The following ITGAX variants were observed in gnomAD, a reference collection of about 807,000 sequenced individuals.
The protein encoded by ITGAX is integrin alpha-X.
In ITGAX, 99 loss-of-function variants were observed where a neutral mutation model predicts 140.2. The ratio of observed to expected loss-of-function variants is 0.71; its 90% confidence interval spans 0.60 to 0.83. The LOEUF (loss-of-function observed/expected upper bound fraction) is 0.83. Ranked by LOEUF, ITGAX falls within the 40% of genes least tolerant of loss-of-function variation. The probability of loss-of-function intolerance (pLI) is 0.00; values close to 1 mark genes in which losing one functional copy is unlikely to be tolerated. For synonymous variants in ITGAX, 631 were observed against 600.4 expected, an observed-to-expected ratio of 1.05 and a Z score of -0.75; for missense variants, 1,444 against 1,482.0, an observed-to-expected ratio of 0.97 and a Z score of 0.42.
rs146647978 is a variant in ITGAX, at chr16:31,371,678, G to T, written c.2054G>T (p.Arg685Leu). Residue 685 changes from arginine (R) to leucine (L), a missense_variant, in exon 17 of 30, where the codon CGC becomes CTC. Physicochemically the swap from Arg to Leu is moderately radical, Grantham distance 102. Coordinates refer to ENST00000268296, the MANE Select transcript of ITGAX (RefSeq NM_000887.5). ...VTLDLALDPG[R>L]LSPRATFQET... Reference sequence around the variant, plus strand: ...TTGGACCTGGCCCTCGACCCTGGCCGCCTGAGTCCCCGTGCCACCTTCCAG... The same window carrying T: ...TTGGACCTGGCCCTCGACCCTGGCCTCCTGAGTCCCCGTGCCACCTTCCAG... 392 of 1,614,114 alleles carry T rather than the reference G, an allele frequency of 2.4e-4. 1 individual carries two copies. The highest frequency in any genetic ancestry group is 3.2e-4 in the Non-Finnish European group (381 of 1,180,032).
intron 14 of ITGAX, among the ~76,000 whole-genome samples, chr16:31,368,314 G>A (rs1239442774): frequency 6.6e-6 from 1 of 151,456 alleles, no homozygotes; most frequent in Non-Finnish European, 1.5e-5. Context: ...GCCTACATAG[G>A]GAAACCTCTC....
Position 31,361,187 on chromosome 16 carries a change from T to G in ITGAX, c.986T>G (p.Leu329Arg), listed in dbSNP as rs767778307. The G allele has an allele frequency of 1.9e-6, 3 of 1,613,074 alleles. No homozygotes were observed. Among genetic ancestry groups the G allele is most frequent in the Non-Finnish European group, 2.5e-6 (3 of 1,179,456 alleles). Residue 329 changes from leucine to arginine, a missense_variant, in exon 9 of 30, where the codon CTG becomes CGG. Physicochemically the swap from Leu to Arg is moderately radical, Grantham distance 102 (BLOSUM62 -2). Transcript: ENST00000268296. ...GCTCTGAAAGATATTCAAAACCAAC[T>G]GAAGGAGAAGATCTTTGCCATTGAG... ...FDALKDIQNQ[L>R]KEKIFAIEGT...
At chr16:31,368,602 TA>T (rs1195910660) in intron 14 of ITGAX, among the ~76,000 whole-genome samples, 2 of 151,628 alleles carry the variant, frequency 1.3e-5, no homozygotes, top group African/African-American at 2.4e-5. Context: ...ATTTTTTATT[TA>T]TTTTTTTATT....
chr16:31,366,068 A>G (rs1403914912), intron 14 of ITGAX, among the ~76,000 whole-genome samples: 3 of 152,232 alleles, frequency 2.0e-5, no homozygotes, highest in African/African-American at 4.8e-5. Flanking sequence ...AACCCATCAC[A>G]TGCAGGCATA....
rs780530339 is a variant in ITGAX at position 31,360,274 on chromosome 16, G to A, written c.708-36G>A. The A allele has an allele frequency of 1.9e-6, 3 of 1,576,436 alleles. No homozygotes were observed. In the Admixed American group the frequency reaches 5.6e-5, roughly 29 times the overall value. On this transcript the variant is annotated intron_variant, in intron 7 of 29. Coordinates refer to ENST00000268296, the MANE Select transcript of ITGAX (RefSeq NM_000887.5). ...GGGCACCAGGGGCTAGTGTGGTTTGGTTCACAGGCCTCTAAGACCTCTCCT... is the reference window on the plus strand; with the variant it reads ...GGGCACCAGGGGCTAGTGTGGTTTGATTCACAGGCCTCTAAGACCTCTCCT...
At chr16:31,377,318 A>AC in intron 23 of ITGAX, 53 bp downstream of exon 23, 80 of 1,320,962 alleles carry the variant, frequency 6.1e-5, no homozygotes, top group Non-Finnish European at 5.8e-5. Flanking sequence ...GACCTCAAAA[A>AC]GAAAAAAAAA....
At chr16:31,369,309 C>T (rs2080930564) in intron 14 of ITGAX, among the ~76,000 whole-genome samples, 1 of 147,356 alleles carries the variant, frequency 6.8e-6, no homozygotes, top group South Asian at 2.2e-4. Flanking sequence ...CCACCTCCCT[C>T]CCGGACGGGG....
At chr16:31,362,893 T>G in intron 12 of ITGAX, 42 bp from the exon 13 acceptor site, 1 of 1,609,330 alleles carries the variant, frequency 6.2e-7, no homozygotes, top group South Asian at 1.1e-5. Context: ...CAGGGCTGCC[T>G]CTGGCAGGGA....
chr16:31,382,477 ACCCTCAGGACAATGT>A lies in ITGAX; in HGVS notation c.*572_*586del, dbSNP rs1674770048. The A allele has an allele frequency of 6.6e-7, 1 of 1,523,050 alleles. No homozygotes were observed. The allele number at this position is 1,523,050 out of a possible 1,614,324, so 94.3% of individuals were successfully genotyped here. A position where few individuals can be genotyped will look rare whatever the true frequency, so the allele number is the denominator to read the frequency against. ...CACCTGTCTTCAACAGCTCCCCATT[ACCCTCAGGACAATGT>A]CTGAACTCTCCAGCTTCGCGTGAGA... On this transcript the variant is annotated 3_prime_UTR_variant, in exon 30 of 30. Coordinates refer to ENST00000268296, the MANE Select transcript of ITGAX (RefSeq NM_000887.5).
Position 31,380,055 on chromosome 16 carries a change from ATCCCGTGCTGG to A in ITGAX, c.3052_3060+2del, listed in dbSNP as rs768987085. On this transcript the variant is annotated splice_donor_variant and coding_sequence_variant, in exon 26 of 30. Transcript: ENST00000268296. LOFTEE classifies it high-confidence loss of function. ...GACTTCCTGGCGCACATTCAGAAGA[ATCCCGTGCTGG>A]TGAGGAGGGCTCTGGGCTGGCCCTC... 6.2e-7 allele frequency: 1 copy of A among 1,613,968 alleles called. No homozygotes were observed. Among genetic ancestry groups the A allele is most frequent in the Non-Finnish European group, 8.5e-7 (1 of 1,179,940 alleles).
In ITGAX at chr16:31,376,463, T is replaced by A. The variant is rs139313917; in HGVS notation, c.2509-336T>A. ...TAGCGAGGTCCCATTTATAAAAAAA[T>A]TTTTTTAAAATTAGCCAGGCATGGT... is the stretch of plus-strand genomic sequence containing the variant. On this transcript the variant is annotated intron_variant, in intron 20 of 29. Coordinates refer to ENST00000268296, the MANE Select transcript of ITGAX (RefSeq NM_000887.5). 5.5e-3 allele frequency among the ~76,000 whole-genome samples: 839 copies of A among 152,088 alleles called. 1 individual carries two copies. Among genetic ancestry groups the A allele is most frequent in the Non-Finnish European group, 9.4e-3 (640 of 67,998 alleles).
In ITGAX at chr16:31,362,136, C is replaced by T. The variant is rs138501712; in HGVS notation, c.1148C>T (p.Pro383Leu). 3,579 of 1,614,080 alleles carry T rather than the reference C, an allele frequency of 2.2e-3. 6 individuals carry two copies. The highest frequency in any genetic ancestry group is 2.6e-3 in the Non-Finnish European group (3,064 of 1,180,006). Residue 383 changes from proline to leucine, a missense_variant, in exon 11 of 30, where the codon CCC becomes CTC. Physicochemically the swap from Pro to Leu is moderately conservative, Grantham distance 98. Transcript: ENST00000268296. ...TGGTCTGGAGGTGCCTTCCTGTACCCCCCAAATATGAGCCCTACCTTCATC... is the reference window on the plus strand; with the variant it reads ...TGGTCTGGAGGTGCCTTCCTGTACCTCCCAAATATGAGCCCTACCTTCATC... ...FTWSGGAFLYPPNMSPTFINM... is the reference protein window; with the variant it reads ...FTWSGGAFLYLPNMSPTFINM...
chr16:31,355,741 A>G, intron 1 of ITGAX, 152 bp from the exon 2 acceptor site: 1 of 665,006 alleles, frequency 1.5e-6, no homozygotes, highest in Non-Finnish European at 2.7e-6. Flanking sequence ...GACCCTGGGA[A>G]GGAGAGAAGG....
In ITGAX at chr16:31,362,128, C is replaced by T. The variant is rs777934960; in HGVS notation, c.1140C>T (p.Phe380=). The T allele has an allele frequency of 1.1e-5, 18 of 1,614,138 alleles. No individual in the cohort carries two copies. In the East Asian group the frequency reaches 3.8e-4, roughly 34 times the overall value. ...VGSFTWSGGA[F]LYPPNMSPTF... is the part of the protein sequence containing the mutation. The stretch of plus-strand genomic sequence containing the variant: ...GCTTCACCTGGTCTGGAGGTGCCTT[C>T]CTGTACCCCCCAAATATGAGCCCTA... Residue 380 remains phenylalanine (F), a synonymous_variant, in exon 11 of 30, where the codon TTC becomes TTT. Coordinates refer to ENST00000268296, the MANE Select transcript of ITGAX (RefSeq NM_000887.5).
intron 19 of ITGAX, 148 bp from the exon 20 acceptor site, chr16:31,373,101 A>AG (rs960655155): frequency 2.9e-5 from 14 of 480,178 alleles, no homozygotes; most frequent in African/African-American, 8.6e-5. Context: ...TCTTAAAAAA[A>AG]AAGAAGAAGA....
At position 31,380,262 on chromosome 16, in the gene ITGAX, C is replaced by T. The variant is rs1327896067; in HGVS notation, c.3061-4C>T. 1 of 1,613,556 alleles carries T rather than the reference C, an allele frequency of 6.2e-7. No homozygotes were observed. The stretch of plus-strand genomic sequence containing the variant: ...TCAGCCCCATGCTATTTATCTGCCC[C>T]CAGGACTGCTCCATTGCTGGCTGCC... On this transcript the variant is annotated splice_region_variant and splice_polypyrimidine_tract_variant and intron_variant, in intron 26 of 29. Transcript: ENST00000268296.
chr16:31,368,241 C>G (rs1005106615), intron 14 of ITGAX, among the ~76,000 whole-genome samples: 1 of 149,414 alleles, frequency 6.7e-6, no homozygotes, highest in Non-Finnish European at 1.5e-5. Context: ...ATTACATAAT[C>G]CCAGCACTTA....
intron 2 of ITGAX, 42 bp downstream of exon 2, chr16:31,356,040 CT>C: frequency 6.9e-7 from 1 of 1,446,068 alleles, no homozygotes; most frequent in South Asian, 1.2e-5. Context: ...CATCCATCCT[CT>C]CCCTGCTCAG....
Position 31,379,588 on chromosome 16 carries a change from A to G in ITGAX, c.2810A>G (p.Tyr937Cys). 1 of 1,562,340 alleles carries G rather than the reference A, an allele frequency of 6.4e-7. No homozygotes were observed. Among genetic ancestry groups the G allele is most frequent in the Non-Finnish European group, 8.7e-7 (1 of 1,152,010 alleles). Residue 937 changes from tyrosine (Y) to cysteine (C), a missense_variant, in exon 24 of 30, where the codon TAC (tyrosine) becomes TGC (cysteine). Coordinates refer to ENST00000268296, the MANE Select transcript of ITGAX (RefSeq NM_000887.5). ...TCCAGCCACGAACAATTCACCAAAT[A>G]CCTCAACTTCTCAGAGTCTGAGGAG... is the stretch of plus-strand genomic sequence containing the variant. ...VVSSHEQFTK[Y>C]LNFSESEEKE...
Sources: gnomAD v4.1 joint callset for allele counts (sites outside exome capture counted in the v4.1 genomes callset) on GRCh38, gnomAD v4.1.1 for gene constraint, MANE v1.5 for transcripts, NCBI Gene and HGNC (gene_info 2026-07-23, HGNC 2026-07-21) for gene names.